The following KPNA1 variants were observed in gnomAD, a reference collection of about 807,000 sequenced individuals.
KPNA1 encodes importin subunit alpha-5.
KPNA1 carries 10 observed loss-of-function variants against 70.5 expected under a neutral mutation model. The ratio of observed to expected loss-of-function variants is 0.14; its 90% CI spans 0.09 to 0.24. The LOEUF is 0.24. KPNA1 is among the 10% of genes least tolerant of loss of function. The probability of loss-of-function intolerance (pLI) is 1.00; values close to 1 mark genes in which losing one functional copy is unlikely to be tolerated. For missense variants in KPNA1, 397 were observed against 637.9 expected (o/e 0.62, Z 4.07); for synonymous variants, 192 against 221.9 (o/e 0.87, Z 1.20).
rs982275061 is a variant in KPNA1 at position 122,485,691 on chromosome 3, G to A, written c.129+10746C>T. ...AAAGTAGATACACAGCAAATAAGCCGATGAAAAGATGCTCACTGGTGATCT... is the reference window on the plus strand; with the variant it reads ...AAAGTAGATACACAGCAAATAAGCCAATGAAAAGATGCTCACTGGTGATCT... On this transcript the variant is annotated intron_variant, in intron 2 of 13. Transcript: ENST00000344337. Among the ~76,000 whole-genome samples, 6 of 151,940 alleles carry A rather than the reference G, an allele frequency of 3.9e-5. No homozygotes were observed. In the South Asian group the frequency reaches 6.2e-4, roughly 16 times the overall value.
At chr3:122,463,865 G>A (rs369048865) in intron 4 of KPNA1, 77 bp downstream of exon 4, 3 of 629,604 alleles carry the variant, frequency 4.8e-6, no homozygotes, top group African/African-American at 1.9e-5. Flanking sequence ...CAAATTACCT[G>A]TGGTATGAAA....
In KPNA1 at chr3:122,422,872, T is replaced by C. The variant is rs750339148; in HGVS notation, c.*4113A>G. On this transcript the variant is annotated 3_prime_UTR_variant, in exon 14 of 14. Transcript: ENST00000344337. ...ACAGGGAAAACACTCTGGGACTTCG[T>C]TTACCCTTAGTTGAAAACAGAACGG... 1.6e-4 allele frequency: 25 copies of C among 152,252 alleles called. No homozygotes were observed. Among genetic ancestry groups the C allele is most frequent in the Non-Finnish European group, 2.9e-4 (20 of 68,046 alleles). The allele number at this position is 152,252 out of a possible 1,614,324, so 9.4% of individuals were successfully genotyped here. A position where few individuals can be genotyped will look rare whatever the true frequency, so the allele number is the denominator to read the frequency against.
intron 2 of KPNA1, among the ~76,000 whole-genome samples, chr3:122,476,570 T>C (rs1009227826): frequency 1.3e-5 from 2 of 151,890 alleles, no homozygotes; most frequent in Non-Finnish European, 1.5e-5. Flanking sequence ...AATAACTCAA[T>C]AGTAAGAAAA....
chr3:122,497,494 C>T (rs1306348593), intron 1 of KPNA1, among the ~76,000 whole-genome samples: 4 of 152,190 alleles, frequency 2.6e-5, no homozygotes, highest in Admixed American at 1.3e-4. Context: ...TAAGAAACTG[C>T]TCAACTGTTT....
chr3:122,457,003 T>C (rs1206351411), intron 5 of KPNA1, among the ~76,000 whole-genome samples: 1 of 152,242 alleles, frequency 6.6e-6, no homozygotes, highest in African/African-American at 2.4e-5. Flanking sequence ...ATGTGTGATA[T>C]GTATGTATGT....
At chr3:122,508,709 C>T (rs1176040129) in intron 1 of KPNA1, among the ~76,000 whole-genome samples, 1 of 152,052 alleles carries the variant, frequency 6.6e-6, no homozygotes, top group Non-Finnish European at 1.5e-5. Flanking sequence ...GCCCTCCACC[C>T]ACCACAAAAA....
chr3:122,469,728 A>T (rs1004866896), intron 2 of KPNA1, among the ~76,000 whole-genome samples: 1 of 152,228 alleles, frequency 6.6e-6, no homozygotes, highest in Non-Finnish European at 1.5e-5. Context: ...ACACCTAGGG[A>T]TATCATTTTC....
intron 5 of KPNA1, among the ~76,000 whole-genome samples, chr3:122,455,141 G>C (rs768701778): frequency 6.6e-6 from 1 of 152,212 alleles, no homozygotes; most frequent in Non-Finnish European, 1.5e-5. Flanking sequence ...CTAAAAGGTA[G>C]CTGTCAGGTA....
chr3:122,457,931 T>C (rs1474993322), intron 5 of KPNA1: 2 of 1,161,388 alleles, frequency 1.7e-6, no homozygotes, highest in Non-Finnish European at 2.2e-6. Context: ...GCCTGAGTCA[T>C]CTGAGCAACT....
intron 2 of KPNA1, among the ~76,000 whole-genome samples, chr3:122,469,238 G>A (rs2076415068): frequency 6.6e-6 from 1 of 151,642 alleles, no homozygotes; most frequent in Admixed American, 6.6e-5. Flanking sequence ...GGCCTTTCCT[G>A]GGCCTTAAAG....
At chr3:122,455,375 G>A (rs1432489206) in intron 5 of KPNA1, among the ~76,000 whole-genome samples, 2 of 152,126 alleles carry the variant, frequency 1.3e-5, no homozygotes, top group Non-Finnish European at 2.9e-5. Context: ...TAAAGAGCCC[G>A]TATCTGGTCC....
chr3:122,439,805 ACAAT>A (rs1386706944), intron 10 of KPNA1, among the ~76,000 whole-genome samples: 3 of 152,180 alleles, frequency 2.0e-5, no homozygotes, highest in Non-Finnish European at 4.4e-5. Context: ...AGTAACAATA[ACAAT>A]CAAGAAGACC....
At chr3:122,458,770 A>C (rs1576307047) in intron 5 of KPNA1, among the ~76,000 whole-genome samples, 1 of 152,192 alleles carries the variant, frequency 6.6e-6, no homozygotes, top group Non-Finnish European at 1.5e-5. Context: ...ATTTGAAAGC[A>C]TGGTAGATCA....
chr3:122,452,773 AGGAGAGAT>A (rs1257106786), intron 6 of KPNA1, among the ~76,000 whole-genome samples: 3 of 150,930 alleles, frequency 2.0e-5, no homozygotes, highest in Non-Finnish European at 4.4e-5. Context: ...GACGGAGAGA[AGGAGAGAT>A]GGAGAGACGG....
chr3:122,488,223 A>C (rs1191564689), intron 2 of KPNA1, among the ~76,000 whole-genome samples: 1 of 152,188 alleles, frequency 6.6e-6, no homozygotes, highest in African/African-American at 2.4e-5. Context: ...TTTTAAGTTT[A>C]AAAATCTTTA....
At chr3:122,467,490 T>C in intron 2 of KPNA1, 61 bp from the exon 3 acceptor site, 1 of 966,812 alleles carries the variant, frequency 1.0e-6, no homozygotes, top group South Asian at 1.4e-5. Context: ...GAGTTCAACA[T>C]TCAAATACTA....
chr3:122,469,429 G>C (rs964364970), intron 2 of KPNA1, among the ~76,000 whole-genome samples: 1 of 152,142 alleles, frequency 6.6e-6, no homozygotes, highest in African/African-American at 2.4e-5. Flanking sequence ...CAGATTAAAA[G>C]AAGTTTCATC....
chr3:122,471,781 C>T (rs536695290), intron 2 of KPNA1, among the ~76,000 whole-genome samples: 5 of 151,234 alleles, frequency 3.3e-5, no homozygotes, highest in South Asian at 2.1e-4. Context: ...GGCCACAGGG[C>T]GAGACTGTCT....
At chr3:122,443,425 CCT>C (rs1031698596) in intron 9 of KPNA1, among the ~76,000 whole-genome samples, 10 of 152,196 alleles carry the variant, frequency 6.6e-5, no homozygotes, top group Non-Finnish European at 1.5e-5. Context: ...TGTAAACGTC[CCT>C]GTCTGACAGC....
Sources: allele counts gnomAD v4.1 joint callset (sites outside exome capture counted in the v4.1 genomes callset), GRCh38; gene constraint gnomAD v4.1.1; transcripts MANE v1.5; gene names NCBI Gene and HGNC (gene_info 2026-07-23, HGNC 2026-07-21).